Variants in RRM2 observed in about 807,000 individuals in gnomAD.
RRM2 encodes ribonucleotide reductase regulatory subunit M2.
RRM2 carries 6 observed loss-of-function variants against 45.9 expected under a neutral mutation model. The observed-to-expected ratio is 0.13, with a 90% CI of 0.07 to 0.26. The LOEUF (loss-of-function observed/expected upper bound fraction) is 0.26, where lower values mean the gene tolerates loss of function less well. Among genes scored for constraint, RRM2 ranks in the 10% least tolerant of loss-of-function variants. RRM2 has a pLI of 1.00. For synonymous variants in RRM2, 177 were observed against 173.0 expected (o/e 1.02, Z -0.18); for missense variants, 343 against 489.5 (o/e 0.70, Z 2.82).
rs1481147524 is a variant in RRM2 at position 10,186,450 on chromosome 2, C to T, written n.483-23861C>T. ...GATTACAGGCGTGAGCCACCGTGCC[C>T]GGCCAGCAGTGGTTTTCAAACTGGT... On this transcript the variant is annotated intron_variant and non_coding_transcript_variant, in intron 3 of 3. Coordinates refer to the RRM2 transcript ENST00000381786. Among the ~76,000 whole-genome samples the T allele has an allele frequency of 5.3e-5, 8 of 151,672 alleles. No individual in the cohort carries two copies. The South Asian group carries it at 6.4e-4, about 12-fold the overall frequency.
intron 3 of RRM2, among the ~76,000 whole-genome samples, chr2:10,183,948 C>G (rs1305359664): frequency 6.6e-6 from 1 of 151,748 alleles, no homozygotes; most frequent in Non-Finnish European, 1.5e-5. Flanking sequence ...ACAAAATCAG[C>G]CAGGCGTGAT....
intron 3 of RRM2, among the ~76,000 whole-genome samples, chr2:10,150,876 C>T (rs1260117141): frequency 4.7e-5 from 7 of 148,652 alleles, no homozygotes; most frequent in East Asian, 2.0e-4. Context: ...TGCAATGGCG[C>T]GATCTCGGCT....
At chr2:10,203,383 C>G (rs972036599) in intron 3 of RRM2, among the ~76,000 whole-genome samples, 3 of 152,172 alleles carry the variant, frequency 2.0e-5, no homozygotes, top group African/African-American at 7.2e-5. Context: ...CCTTGGTTTC[C>G]TCAACCATTA....
At chr2:10,144,231 G>A (rs934821866) in intron 3 of RRM2, among the ~76,000 whole-genome samples, 5 of 152,272 alleles carry the variant, frequency 3.3e-5, no homozygotes, top group East Asian at 3.9e-4. Context: ...ACGGGGAGTG[G>A]GAGGAGGTGG....
intron 3 of RRM2, among the ~76,000 whole-genome samples, chr2:10,178,674 G>A (rs987014299): frequency 6.6e-5 from 10 of 152,102 alleles, no homozygotes; most frequent in African/African-American, 1.7e-4. Context: ...TTTTGCAGTC[G>A]GCATAGTTCT....
Position 10,130,756 on chromosome 2 carries a change from A to T in RRM2, c.*1370A>T, listed in dbSNP as rs1035453135. 6.6e-6 allele frequency: 1 copy of T among 150,978 alleles called. No individual in the cohort carries two copies. The allele number at this position is 150,978 out of a possible 1,614,324, so 9.4% of individuals were successfully genotyped here. ...GCAATTCTCCTGTCTCAGCCTCCCT[A>T]GTAGCTGGGACTGCAGGTATGTGCT... On this transcript the variant is annotated 3_prime_UTR_variant, in exon 10 of 10. Transcript: ENST00000304567.
At position 10,185,961 on chromosome 2, in the gene RRM2, G is replaced by A. The variant is rs963848382; in HGVS notation, n.483-24350G>A. Among the ~76,000 whole-genome samples the A allele has an allele frequency of 1.3e-5, 2 of 152,212 alleles. No individual in the cohort carries two copies. Among genetic ancestry groups the A allele is most frequent in the African/African-American group, 4.8e-5 (2 of 41,436 alleles). On this transcript the variant is annotated intron_variant and non_coding_transcript_variant, in intron 3 of 3. Transcript: ENST00000381786. This position sits in a 1 kb window ranked among gnomAD's most constrained non-coding sequence, Gnocchi z 4.3. ...TGAAGCAGTAGGCTGCTGGACAGAG[G>A]CAGGTCCAGCATACTTTGAATGTTG... is the stretch of plus-strand genomic sequence containing the variant.
chr2:10,151,550 G>A (rs1280111300), intron 3 of RRM2, among the ~76,000 whole-genome samples: 2 of 151,848 alleles, frequency 1.3e-5, no homozygotes, highest in African/African-American at 2.4e-5. Context: ...TGCTTGCCTT[G>A]GCCTCCGAAA....
intron 3 of RRM2, among the ~76,000 whole-genome samples, chr2:10,150,085 G>A (rs187837638): frequency 1.7e-3 from 254 of 152,242 alleles, no homozygotes; most frequent in African/African-American, 5.7e-3. Flanking sequence ...AGGACGAGGC[G>A]GGTGGATTGC....
At chr2:10,138,052 G>A (rs1663021504), upstream of RRM2, among the ~76,000 whole-genome samples, 1 of 152,170 alleles carries the variant, frequency 6.6e-6, no homozygotes, top group African/African-American at 2.4e-5. Flanking sequence ...CCAGGCTGGA[G>A]TGCAGTGACG....
At chr2:10,180,705 C>G (rs1664027055) in intron 3 of RRM2, among the ~76,000 whole-genome samples, 1 of 152,182 alleles carries the variant, frequency 6.6e-6, no homozygotes, top group South Asian at 2.1e-4. Context: ...TGTCACCTGC[C>G]AGGGCAGGAA....
downstream of RRM2, among the ~76,000 whole-genome samples, chr2:10,133,994 C>T (rs1662947171): frequency 6.6e-6 from 1 of 151,836 alleles, no homozygotes; most frequent in African/African-American, 2.4e-5. Context: ...GCCTGGCCAA[C>T]ATGGTGAGAC....
At chr2:10,160,830 T>G (rs1338890940) in intron 3 of RRM2, among the ~76,000 whole-genome samples, 2 of 152,208 alleles carry the variant, frequency 1.3e-5, no homozygotes, top group East Asian at 1.9e-4. Flanking sequence ...CTGGCTGCTT[T>G]CTTGGGAAGC....
In RRM2 at chr2:10,142,007, C is replaced by T. The variant is rs574340301; in HGVS notation, n.361+53C>T. ...GACAAGGAAAGCAGGGAGGAAGGGG[C>T]GGGCTATGCCCCTTGCTCTTTCATG... On this transcript the variant is annotated intron_variant and non_coding_transcript_variant, in intron 2 of 3. Coordinates refer to the RRM2 transcript ENST00000381786. 6.1e-5 allele frequency: 96 copies of T among 1,572,352 alleles called. No individual in the cohort carries two copies. The East Asian group carries it at 1.6e-3, about 26-fold the overall frequency.
chr2:10,193,564 G>A (rs1359328515), intron 3 of RRM2, among the ~76,000 whole-genome samples: 2 of 152,390 alleles, frequency 1.3e-5, no homozygotes, highest in African/African-American at 2.4e-5. Flanking sequence ...CTGCTCAGGG[G>A]CGGAGGGCTC....
At chr2:10,182,622 G>A (rs1364332403) in intron 3 of RRM2, among the ~76,000 whole-genome samples, 1 of 152,124 alleles carries the variant, frequency 6.6e-6, no homozygotes, top group Non-Finnish European at 1.5e-5. Flanking sequence ...AACATAGCAA[G>A]GCCTCATCTC....
At chr2:10,122,577 C>T, upstream of RRM2, 2 of 1,443,880 alleles carry the variant, frequency 1.4e-6, no homozygotes, top group Non-Finnish European at 1.8e-6. Flanking sequence ...GAAAATCGCG[C>T]GCGGCCCCGC....
chr2:10,197,181 C>A (rs1006658793), intron 3 of RRM2, among the ~76,000 whole-genome samples: 1 of 152,250 alleles, frequency 6.6e-6, no homozygotes, highest in African/African-American at 2.4e-5. Flanking sequence ...ATCCCTCCTT[C>A]GAGTGGGGAC....
chr2:10,179,349 A>G (rs1021247773), intron 3 of RRM2, among the ~76,000 whole-genome samples: 1 of 152,054 alleles, frequency 6.6e-6, no homozygotes, highest in Non-Finnish European at 1.5e-5. Flanking sequence ...ACAGGGTTTC[A>G]CCACGTTGGC....
Sources: allele counts gnomAD v4.1 joint callset (sites outside exome capture counted in the v4.1 genomes callset), GRCh38; gene constraint gnomAD v4.1.1; non-coding constraint Gnocchi (gnomAD v3.1); transcripts MANE v1.5; gene names NCBI Gene and HGNC (gene_info 2026-07-23, HGNC 2026-07-21).